The following CDH23 variants were observed in gnomAD, a reference collection of about 807,000 sequenced individuals.
CDH23 encodes cadherin related 23.
Under a neutral mutation model 317.1 loss-of-function variants are expected in CDH23, and 189 were observed. The ratio of observed to expected loss-of-function variants is 0.60; its 90% CI spans 0.53 to 0.67. The LOEUF (loss-of-function observed/expected upper bound fraction) is 0.67, where lower values mean the gene tolerates loss of function less well. CDH23 is among the 30% of genes least tolerant of loss of function. CDH23 has a pLI of 0.00. For synonymous variants in CDH23, 1,839 were observed against 1,876.8 expected, an observed-to-expected ratio of 0.98 and a Z score of 0.52; for missense variants, 4,401 against 4,592.4, an observed-to-expected ratio of 0.96 and a Z score of 1.20.
chr10:71,797,139 C>G lies in CDH23; in HGVS notation c.6748C>G (p.Leu2250Val). Reference protein sequence around the residue: ...VMVKSPMNRELVATYEVTLSV... With the variant: ...VMVKSPMNREVVATYEVTLSV... ...GGTGAAGTCCCCCATGAATCGGGAGCTGGTTGCCACCTATGAGGTCACTCT... is the reference window on the plus strand; with the variant it reads ...GGTGAAGTCCCCCATGAATCGGGAGGTGGTTGCCACCTATGAGGTCACTCT... Residue 2250 changes from leucine (L) to valine (V), a missense_variant, in exon 49 of 70, where the codon CTG becomes GTG. Physicochemically the swap from Leu to Val is conservative, Grantham distance 32. Coordinates refer to ENST00000224721, the MANE Select transcript of CDH23 (RefSeq NM_022124.6). The G allele has an allele frequency of 6.2e-7, 1 of 1,613,530 alleles. No homozygotes were observed. The highest frequency in any genetic ancestry group is 8.5e-7 in the Non-Finnish European group (1 of 1,179,676).
chr10:71,510,936 C>G lies in CDH23; in HGVS notation c.289-18C>G. On this transcript the variant is annotated intron_variant, in intron 4 of 69. Transcript: ENST00000224721. ...GCACCGCCTAACTGCCCCCCTCCCTCTCTCACTTTTCTTTCAGACCAAGTC... is the reference window on the plus strand; with the variant it reads ...GCACCGCCTAACTGCCCCCCTCCCTGTCTCACTTTTCTTTCAGACCAAGTC... 6.2e-7 allele frequency: 1 copy of G among 1,613,896 alleles called. No homozygotes were observed. Among genetic ancestry groups the G allele is most frequent in the Non-Finnish European group, 8.5e-7 (1 of 1,179,812 alleles).
intron 22 of CDH23, among the ~76,000 whole-genome samples, chr10:71,701,012 T>C (rs925036890): frequency 6.6e-6 from 1 of 152,188 alleles, no homozygotes. Context: ...AACACTGTCC[T>C]GATGTGGCCC....
chr10:71,588,535 T>C (rs1859244751), intron 9 of CDH23, among the ~76,000 whole-genome samples: 1 of 152,132 alleles, frequency 6.6e-6, no homozygotes, highest in Non-Finnish European at 1.5e-5. Context: ...TTAAAAAAAT[T>C]ATAGTCTAGT....
chr10:71,706,217 G>A lies in CDH23; in HGVS notation c.2954-680G>A, dbSNP rs2132743896. 1.3e-5 allele frequency among the ~76,000 whole-genome samples: 2 copies of A among 152,340 alleles called. 1 individual carries two copies. Among genetic ancestry groups the A allele is most frequent in the South Asian group, 4.1e-4 (2 of 4,830 alleles). The stretch of plus-strand genomic sequence containing the variant: ...TATGAAGGTTGTCCAAGCCCCATCT[G>A]CCTGAGGAATAGGGGCCTAGCATGC... On this transcript the variant is annotated intron_variant, in intron 25 of 69. Transcript: ENST00000224721.
chr10:71,498,479 G>T (rs1352299712), intron 3 of CDH23, among the ~76,000 whole-genome samples: 1 of 152,240 alleles, frequency 6.6e-6, no homozygotes, highest in South Asian at 2.1e-4. Flanking sequence ...GAAGTGTGCA[G>T]TGTGATAGAT....
intron 19 of CDH23, 23 bp from the exon 20 acceptor site, chr10:71,690,445 C>T (rs2132705446): frequency 6.5e-7 from 1 of 1,547,160 alleles, no homozygotes; most frequent in Non-Finnish European, 8.8e-7. Context: ...GCACCCCCTG[C>T]CCCCACCTTT....
At chr10:71,807,487 C>A (rs148005081) in intron 58 of CDH23, 29 bp from the exon 59 acceptor site, 1 of 1,612,984 alleles carries the variant, frequency 6.2e-7, no homozygotes, top group East Asian at 2.2e-5. Context: ...GCCCTGCCCC[C>A]TCACCCTGTG....
chr10:71,731,525 C>A (rs774489579), intron 31 of CDH23, among the ~76,000 whole-genome samples: 1 of 152,012 alleles, frequency 6.6e-6, no homozygotes, highest in Non-Finnish European at 1.5e-5. Context: ...GAATTTGGGG[C>A]GTAGGGAGTG....
In CDH23 at chr10:71,709,081, C is replaced by T; in HGVS notation, c.3107-17C>T. ...GCTCTGTTTCCCAGCCGGAAGCTTCCTCTCCTTCACCCACAGGTGGCAACG... is the reference window on the plus strand; with the variant it reads ...GCTCTGTTTCCCAGCCGGAAGCTTCTTCTCCTTCACCCACAGGTGGCAACG... On this transcript the variant is annotated splice_polypyrimidine_tract_variant and intron_variant, in intron 26 of 69. Coordinates refer to ENST00000224721, the MANE Select transcript of CDH23 (RefSeq NM_022124.6). The T allele has an allele frequency of 6.2e-7, 1 of 1,612,098 alleles. No individual in the cohort carries two copies.
At chr10:71,484,149 C>T (rs1190626298) in intron 3 of CDH23, among the ~76,000 whole-genome samples, 1 of 152,142 alleles carries the variant, frequency 6.6e-6, no homozygotes, top group Non-Finnish European at 1.5e-5. Context: ...TGGGAGGACG[C>T]GAGAACAGTC....
At chr10:71,430,214 G>A (rs1849304402) in intron 1 of CDH23, among the ~76,000 whole-genome samples, 2 of 152,114 alleles carry the variant, frequency 1.3e-5, no homozygotes, top group South Asian at 4.2e-4. Flanking sequence ...AGCTGACTTT[G>A]ATCACTCCAT....
intron 9 of CDH23, among the ~76,000 whole-genome samples, chr10:71,584,552 GT>G (rs1858904122): frequency 3.3e-5 from 5 of 151,710 alleles, no homozygotes; most frequent in Non-Finnish European, 1.5e-5. Flanking sequence ...CTGTGTGTGT[GT>G]GTGTGTGTGT....
At position 71,797,096 on chromosome 10, in the gene CDH23, G is replaced by C. The variant is rs369946986; in HGVS notation, c.6713-8G>C. ...CTCAGGCTGAACCTGGCCTGGTCTG[G>C]TCCACAGGATCTGTAATGGTGAAGT... On this transcript the variant is annotated splice_polypyrimidine_tract_variant and splice_region_variant and intron_variant, in intron 48 of 69. Coordinates refer to ENST00000224721, the MANE Select transcript of CDH23 (RefSeq NM_022124.6). The C allele has an allele frequency of 6.3e-7, 1 of 1,598,576 alleles. No homozygotes were observed. Among genetic ancestry groups the C allele is most frequent in the South Asian group, 1.1e-5 (1 of 90,062 alleles).
chr10:71,666,087 G>T (rs1006289881), intron 14 of CDH23, among the ~76,000 whole-genome samples: 4 of 152,074 alleles, frequency 2.6e-5, no homozygotes, highest in Admixed American at 2.6e-4. Context: ...GGGAGGGAAG[G>T]TCCCCTTCCC....
intron 11 of CDH23, among the ~76,000 whole-genome samples, chr10:71,630,684 C>T (rs1861965567): frequency 6.6e-6 from 1 of 152,200 alleles, no homozygotes; most frequent in Non-Finnish European, 1.5e-5. Flanking sequence ...ATGGAGACGC[C>T]AAGAAGGCAC....
chr10:71,809,712 T>G, intron 60 of CDH23, 108 bp from the exon 61 acceptor site: 1 of 1,479,122 alleles, frequency 6.8e-7, no homozygotes, highest in Non-Finnish European at 9.1e-7. Flanking sequence ...TGTGGGCATT[T>G]GTGCCGCCTC....
chr10:71,637,869 T>C (rs1478521610), intron 11 of CDH23, among the ~76,000 whole-genome samples: 5 of 146,132 alleles, frequency 3.4e-5, no homozygotes, highest in African/African-American at 1.2e-4. Flanking sequence ...AAGGTGGCCT[T>C]GGTCCTTGCT....
chr10:71,645,963 G>A lies in CDH23; in HGVS notation c.1273G>A (p.Asp425Asn), dbSNP rs1316799988. 6.2e-7 allele frequency: 1 copy of A among 1,612,496 alleles called. No homozygotes were observed. Among genetic ancestry groups the A allele is most frequent in the Admixed American group, 1.7e-5 (1 of 59,524 alleles). ...CATCCCACTGGACTACGAGACCGTG[G>A]ACCGCTACGACTTTGATGTAAGGCC... The part of the protein sequence containing the change: ...VAIPLDYETV[D>N]RYDFDLFANE... The change falls in exon 13 of 70, where the codon GAC becomes AAC. Residue 425 changes from aspartate to asparagine, a missense_variant. Asp to Asn is a conservative substitution (Grantham distance 23, BLOSUM62 1). Coordinates refer to ENST00000224721, the MANE Select transcript of CDH23 (RefSeq NM_022124.6).
At chr10:71,479,712 C>G (rs965042877) in intron 3 of CDH23, among the ~76,000 whole-genome samples, 1 of 151,578 alleles carries the variant, frequency 6.6e-6, no homozygotes, top group East Asian at 1.9e-4. Context: ...AGCAGGGGCC[C>G]GGTGAGGATC....
Sources: gnomAD v4.1 joint callset for allele counts (sites outside exome capture counted in the v4.1 genomes callset) on GRCh38, gnomAD v4.1.1 for gene constraint, MANE v1.5 for transcripts, NCBI Gene and HGNC (gene_info 2026-07-23, HGNC 2026-07-21) for gene names.